The following NHLRC2 variants were observed in gnomAD, a reference collection of about 807,000 sequenced individuals.
The protein encoded by NHLRC2 is NHL repeat containing 2, also known as NHL repeat-containing protein 2.
In NHLRC2, 33 loss-of-function variants were observed where a neutral mutation model predicts 68.1. That is an observed-to-expected ratio of 0.48 (90% CI 0.37 to 0.65). The LOEUF is 0.65. NHLRC2 is among the 30% of genes least tolerant of loss of function. The pLI is 0.00. For synonymous variants in NHLRC2, 311 were observed against 309.6 expected, an observed-to-expected ratio of 1.00 and a Z score of -0.05; for missense variants, 761 against 853.8, an observed-to-expected ratio of 0.89 and a Z score of 1.35.
At chr10:113,903,835 A>G in intron 9 of NHLRC2, 99 bp downstream of exon 9, 1 of 731,534 alleles carries the variant, frequency 1.4e-6, no homozygotes, top group Non-Finnish European at 2.5e-6. Flanking sequence ...GACCATCTCC[A>G]GGAGAGTATT....
In NHLRC2 at chr10:113,914,276, C is replaced by T. The variant is rs1180489181; in HGVS notation, c.*5740C>T. 6.6e-6 allele frequency: 1 copy of T among 152,320 alleles called. No individual in the cohort carries two copies. Among genetic ancestry groups the T allele is most frequent in the East Asian group, 1.9e-4 (1 of 5,192 alleles). 9.4% of individuals were successfully genotyped at this position (152,320 alleles called of 1,614,324 possible). On this transcript the variant is annotated 3_prime_UTR_variant, in exon 11 of 11. Transcript: ENST00000369301. ...CCACTTCCTGTGTTCAAGCAATTCT[C>T]CTGCCTCAGCCTCCTGAGTAGCTGG...
At position 113,858,559 on chromosome 10, in the gene NHLRC2, T is replaced by A; in HGVS notation, c.210T>A (p.Ile70=). Reference sequence around the variant, plus strand: ...AATGGCTGAACACAGAAGAACCTATTTCTGTCTACAAGGATCTATGTGGAA... The same window carrying A: ...AATGGCTGAACACAGAAGAACCTATATCTGTCTACAAGGATCTATGTGGAA... ...GLEWLNTEEP[I]SVYKDLCGKI... The change falls in exon 2 of 11, where the codon ATT becomes ATA. Residue 70 remains isoleucine, a synonymous_variant. Transcript: ENST00000369301. 6.2e-7 allele frequency: 1 copy of A among 1,608,580 alleles called. No homozygotes were observed. The highest frequency in any genetic ancestry group is 8.5e-7 in the Non-Finnish European group (1 of 1,175,230).
intron 7 of NHLRC2, 77 bp downstream of exon 7, chr10:113,901,974 A>C: frequency 2.9e-6 from 3 of 1,036,456 alleles, no homozygotes; most frequent in Non-Finnish European, 4.4e-6. Flanking sequence ...GAAAGTTAAT[A>C]AGATTTAAGA....
At chr10:113,855,155 G>GC in intron 1 of NHLRC2, 105 bp downstream of exon 1, 1 of 1,008,342 alleles carries the variant, frequency 9.9e-7, no homozygotes, top group Non-Finnish European at 1.5e-6. Flanking sequence ...TGCCGCTGGC[G>GC]CCCCGGGGAG....
intron 2 of NHLRC2, among the ~76,000 whole-genome samples, chr10:113,867,902 CAAT>C (rs1282580961): frequency 6.6e-6 from 1 of 152,120 alleles, no homozygotes; most frequent in Non-Finnish European, 1.5e-5. Context: ...ATACGTCTCT[CAAT>C]AAGACTTTTG....
intron 7 of NHLRC2, among the ~76,000 whole-genome samples, 179 bp downstream of exon 7, chr10:113,902,076 A>G (rs1846234384): frequency 6.6e-6 from 1 of 152,232 alleles, no homozygotes; most frequent in Non-Finnish European, 1.5e-5. Flanking sequence ...ACCATCTAAG[A>G]AAAGTGAACT....
At chr10:113,880,373 A>C (rs898385789) in intron 4 of NHLRC2, among the ~76,000 whole-genome samples, 4 of 150,954 alleles carry the variant, frequency 2.6e-5, no homozygotes, top group South Asian at 2.1e-4. Context: ...TTTTTTTTGC[A>C]TGTTAGTCAC....
At chr10:113,877,476 G>A (rs2134708038) in intron 3 of NHLRC2, among the ~76,000 whole-genome samples, 1 of 152,152 alleles carries the variant, frequency 6.6e-6, no homozygotes, top group Middle Eastern at 3.4e-3. Flanking sequence ...ATAAGAACTT[G>A]AACATGTTTC....
intron 2 of NHLRC2, among the ~76,000 whole-genome samples, chr10:113,862,625 G>A (rs905466925): frequency 2.0e-5 from 3 of 152,130 alleles, no homozygotes; most frequent in African/African-American, 7.2e-5. Context: ...TAATTGAAAG[G>A]CAGAAATTGG....
In NHLRC2 at chr10:113,913,082, A is replaced by C. The variant is rs1261203939; in HGVS notation, c.*4546A>C. On this transcript the variant is annotated 3_prime_UTR_variant, in exon 11 of 11. Transcript: ENST00000369301. ...TATTAACTCATTTAATCCACACAAC[A>C]ACCTTATGTGAGAAATACCATTTTT... The C allele has an allele frequency of 6.6e-6, 1 of 152,202 alleles. No individual in the cohort carries two copies. The highest frequency in any genetic ancestry group is 1.5e-5 in the Non-Finnish European group (1 of 68,038). The allele number at this position is 152,202 out of a possible 1,614,324, so 9.4% of individuals were successfully genotyped here. A position where few individuals can be genotyped will look rare whatever the true frequency, so the allele number is the denominator to read the frequency against.
At chr10:113,905,666 C>T (rs146798434) in intron 10 of NHLRC2, among the ~76,000 whole-genome samples, 41 of 152,186 alleles carry the variant, frequency 2.7e-4, no homozygotes, top group African/African-American at 8.7e-4. Flanking sequence ...CGCTCTTTCA[C>T]ACTTTCTCAC....
chr10:113,906,644 C>T (rs949422499), intron 10 of NHLRC2, among the ~76,000 whole-genome samples: 2 of 151,572 alleles, frequency 1.3e-5, no homozygotes, highest in Admixed American at 1.3e-4. Flanking sequence ...TGTTTTATTT[C>T]TAGATTTGGA....
At chr10:113,879,423 A>G (rs1322473766) in intron 3 of NHLRC2, 151 bp from the exon 4 acceptor site, 3 of 641,356 alleles carry the variant, frequency 4.7e-6, no homozygotes, top group Non-Finnish European at 7.9e-6. Flanking sequence ...ACTCACTCTT[A>G]AGAAAAATGT....
At chr10:113,855,113 C>T (rs1845733484) in intron 1 of NHLRC2, 63 bp downstream of exon 1, 1 of 1,424,862 alleles carries the variant, frequency 7.0e-7, no homozygotes, top group Non-Finnish European at 9.7e-7. Flanking sequence ...GGGACGGCGC[C>T]CTCCCGCGAA....
chr10:113,858,046 C>CTTTTTTTTTTTTTTTTT (rs529701767), intron 1 of NHLRC2, among the ~76,000 whole-genome samples: 1 of 131,646 alleles, frequency 7.6e-6, no homozygotes. Context: ...ATATTTCTTC[C>CTTTTTTTTTTTTTTTTT]TTTTTTTTTT....
At chr10:113,873,369 G>A (rs544413511) in intron 2 of NHLRC2, among the ~76,000 whole-genome samples, 1 of 152,120 alleles carries the variant, frequency 6.6e-6, no homozygotes, top group African/African-American at 2.4e-5. Context: ...CCAAAACTAA[G>A]ATGTAGAGTT....
In NHLRC2 at chr10:113,892,666, T is replaced by C. The variant is rs1426773435; in HGVS notation, c.1040-5444T>C. ...AGCCCTCTTTTTTTTTTTTTAACTT[T>C]CATTTTGTTTACAAAAACAAACTCT... On this transcript the variant is annotated intron_variant, in intron 5 of 10. Coordinates refer to ENST00000369301, the MANE Select transcript of NHLRC2 (RefSeq NM_198514.4). Among the ~76,000 whole-genome samples the C allele has an allele frequency of 2.0e-5, 3 of 152,198 alleles. No individual in the cohort carries two copies. The East Asian group carries it at 5.8e-4, about 29-fold the overall frequency.
At chr10:113,881,868 C>T (rs1041467161) in intron 4 of NHLRC2, among the ~76,000 whole-genome samples, 5 of 151,824 alleles carry the variant, frequency 3.3e-5, no homozygotes, top group African/African-American at 1.2e-4. Flanking sequence ...CCTGTCCCCT[C>T]CCATCCCTAG....
chr10:113,871,679 A>G (rs1845927187), intron 2 of NHLRC2, among the ~76,000 whole-genome samples: 1 of 152,192 alleles, frequency 6.6e-6, no homozygotes, highest in Non-Finnish European at 1.5e-5. Flanking sequence ...ATTATATGTC[A>G]ATAAACCTAA....
Sources: allele counts gnomAD v4.1 joint callset (sites outside exome capture counted in the v4.1 genomes callset), GRCh38; gene constraint gnomAD v4.1.1; transcripts MANE v1.5; gene names NCBI Gene and HGNC (gene_info 2026-07-23, HGNC 2026-07-21).